Variants in SGSM3 observed in about 807,000 individuals in gnomAD.
SGSM3 encodes RUN and SH3 containing 3.
SGSM3 carries 96 observed loss-of-function variants against 100.5 expected under a neutral mutation model. The ratio of observed to expected loss-of-function variants is 0.96; its 90% CI spans 0.81 to 1.13. The LOEUF is 1.13. Among genes scored for constraint, SGSM3 ranks in the 50% most tolerant of loss-of-function variants. The probability of loss-of-function intolerance (pLI) is 0.00; values close to 1 mark genes in which losing one functional copy is unlikely to be tolerated. For synonymous variants in SGSM3, 483 were observed against 422.8 expected, an observed-to-expected ratio of 1.14 and a Z score of -1.75; for missense variants, 1,001 against 1,015.8, an observed-to-expected ratio of 0.99 and a Z score of 0.20.
chr22:40,386,325 T>A (rs2048434351), intron 1 of SGSM3, among the ~76,000 whole-genome samples: 1 of 152,168 alleles, frequency 6.6e-6, no homozygotes, highest in South Asian at 2.1e-4. Context: ...TGTGAAATAA[T>A]ATAAAGATAT....
intron 6 of SGSM3, 152 bp from the exon 7 acceptor site, chr22:40,404,989 C>A: frequency 9.3e-7 from 1 of 1,074,600 alleles, no homozygotes; most frequent in Non-Finnish European, 1.3e-6. Flanking sequence ...CGGCTCCACA[C>A]TGGCTGGGAG....
intron 4 of SGSM3, among the ~76,000 whole-genome samples, chr22:40,403,765 G>C (rs2051066032): frequency 6.6e-6 from 1 of 152,186 alleles, no homozygotes; most frequent in African/African-American, 2.4e-5. Flanking sequence ...TGTGGCTGCT[G>C]AGGGGAACAG....
In SGSM3 at chr22:40,410,139, T is replaced by G. The variant is rs1465003222; in HGVS notation, c.*380T>G. The G allele has an allele frequency of 8.9e-7, 1 of 1,122,930 alleles. No individual in the cohort carries two copies. The highest frequency in any genetic ancestry group is 5.0e-5 in the East Asian group (1 of 20,178). 69.6% of individuals were successfully genotyped at this position (1,122,930 alleles called of 1,614,324 possible). A position where few individuals can be genotyped will look rare whatever the true frequency, so the allele number is the denominator to read the frequency against. On this transcript the variant is annotated 3_prime_UTR_variant, in exon 22 of 22. Coordinates refer to ENST00000248929, the MANE Select transcript of SGSM3 (RefSeq NM_015705.6). ...TACCTGTCTTCTGTGCAGCTAGGGC[T>G]GCAGAGCTGTATTCAGGTCCAAGGT...
chr22:40,410,193 C>T lies in SGSM3; in HGVS notation c.*434C>T. ...GCCCTTCCTTGAGTGGTCTAGAAGG[C>T]ACTGCGTGGCCCCTCAGATGCTGGG... is the stretch of plus-strand genomic sequence containing the variant. On this transcript the variant is annotated 3_prime_UTR_variant, in exon 22 of 22. Transcript: ENST00000248929. 1 of 1,066,590 alleles carries T rather than the reference C, an allele frequency of 9.4e-7. No homozygotes were observed. The highest frequency in any genetic ancestry group is 1.1e-6 in the Non-Finnish European group (1 of 881,680). The allele number at this position is 1,066,590 out of a possible 1,614,324, so 66.1% of individuals were successfully genotyped here. A position where few individuals can be genotyped will look rare whatever the true frequency, so the allele number is the denominator to read the frequency against.
At chr22:40,384,595 A>T (rs1458620382) in intron 1 of SGSM3, among the ~76,000 whole-genome samples, 2 of 152,156 alleles carry the variant, frequency 1.3e-5, no homozygotes, top group Non-Finnish European at 2.9e-5. Flanking sequence ...CCTGGCTAAC[A>T]CGGTGAAACC....
Position 40,408,109 on chromosome 22 carries a change from C to T in SGSM3, c.1618C>T (p.Arg540Cys), listed in dbSNP as rs373390228. ...CAAGTTCGTGGAAGTCCTGGATGAG[C>T]GCAGCAAAGAGGTGAGGGGGGTGGG... The part of the protein sequence containing the change: ...PAKFVEVLDE[R>C]SKEYSIAGDD... The change falls in exon 15 of 22, where the codon CGC (arginine) becomes TGC (cysteine). Residue 540 changes from arginine to cysteine, a missense_variant. Arg to Cys is a radical substitution (Grantham distance 180). Transcript: ENST00000248929. 1.0e-4 allele frequency: 164 copies of T among 1,611,394 alleles called. No individual in the cohort carries two copies. Among genetic ancestry groups the T allele is most frequent in the Middle Eastern group, 1.7e-4 (1 of 6,054 alleles).
intron 1 of SGSM3, among the ~76,000 whole-genome samples, chr22:40,383,118 C>G (rs545791120): frequency 1.3e-5 from 2 of 152,150 alleles, no homozygotes; most frequent in African/African-American, 4.8e-5. Context: ...GGATTCAGCC[C>G]TTGAAGAGCT....
chr22:40,405,586 G>C, intron 7 of SGSM3, 63 bp from the exon 8 acceptor site: 1 of 1,478,532 alleles, frequency 6.8e-7, no homozygotes, highest in Non-Finnish European at 9.3e-7. Context: ...CTAGGGTAGG[G>C]GCACCTTTTC....
At chr22:40,408,227 C>T (rs771059973) in intron 15 of SGSM3, 50 bp from the exon 16 acceptor site, 5 of 1,608,470 alleles carry the variant, frequency 3.1e-6, no homozygotes, top group Middle Eastern at 1.7e-4. Context: ...AGGAGGGTGA[C>T]TGGCTGCAGG....
intron 6 of SGSM3, 51 bp downstream of exon 6, chr22:40,404,715 A>T: frequency 7.5e-7 from 1 of 1,326,804 alleles, no homozygotes; most frequent in East Asian, 2.4e-5. Context: ...GTGGGCTCGC[A>T]GGAGAGAGGG....
At position 40,407,722 on chromosome 22, in the gene SGSM3, C is replaced by CG; in HGVS notation, c.1525-62dup. The CG allele has an allele frequency of 6.3e-7, 1 of 1,588,964 alleles. No individual in the cohort carries two copies. Among genetic ancestry groups the CG allele is most frequent in the Non-Finnish European group, 8.6e-7 (1 of 1,157,354 alleles). ...TGGCCTAGTTGCTGAGGAGTCATAT[C>CG]GGGGGTGCAGGAGGCGCTGGCCCAG... is the stretch of plus-strand genomic sequence containing the variant. On this transcript the variant is annotated intron_variant, in intron 13 of 21. Coordinates refer to ENST00000248929, the MANE Select transcript of SGSM3 (RefSeq NM_015705.6). The surrounding 1 kb of genome is among the most constrained non-coding windows in gnomAD (Gnocchi z 4.7).
At chr22:40,372,423 C>T (rs977284299) in intron 1 of SGSM3, among the ~76,000 whole-genome samples, 3 of 152,168 alleles carry the variant, frequency 2.0e-5, no homozygotes, top group African/African-American at 7.2e-5. Context: ...CCGTGCCTGG[C>T]CCTCCCTGTC....
At chr22:40,398,917 G>T (rs1404391298) in intron 1 of SGSM3, among the ~76,000 whole-genome samples, 1 of 139,640 alleles carries the variant, frequency 7.2e-6, no homozygotes, top group Non-Finnish European at 1.5e-5. Context: ...CTTGCCCACG[G>T]TTATAACAAG....
chr22:40,393,472 C>T (rs976175997), intron 1 of SGSM3, among the ~76,000 whole-genome samples: 4 of 152,214 alleles, frequency 2.6e-5, no homozygotes, highest in African/African-American at 9.6e-5. Flanking sequence ...GATGATTCCA[C>T]TTTTCTTCTG....
At chr22:40,405,508 AAGC>A in intron 7 of SGSM3, 138 bp from the exon 8 acceptor site, 3 of 903,044 alleles carry the variant, frequency 3.3e-6, no homozygotes, top group Admixed American at 4.8e-5. Context: ...AGGCCAAGGA[AAGC>A]AGCCCAGGGA....
chr22:40,408,626 G>C lies in SGSM3; in HGVS notation c.1783-1G>C. 6.2e-7 allele frequency: 1 copy of C among 1,613,972 alleles called. No individual in the cohort carries two copies. Among genetic ancestry groups the C allele is most frequent in the Non-Finnish European group, 8.5e-7 (1 of 1,180,008 alleles). ...ACTCACACCGTGTGCTGTCCCCACAGGCTGCAGGCCGGGAGGTCGAGAGAG... is the reference window on the plus strand; with the variant it reads ...ACTCACACCGTGTGCTGTCCCCACACGCTGCAGGCCGGGAGGTCGAGAGAG... On this transcript the variant is annotated splice_acceptor_variant, in intron 16 of 21. Transcript: ENST00000248929. LOFTEE classifies it high-confidence loss of function.
At position 40,409,759 on chromosome 22, in the gene SGSM3, A is replaced by C. The variant is rs1169920775; in HGVS notation, c.2250A>C (p.Ter750CysextTer69). Residue 750 changes from the stop codon to cysteine, a stop_lost, in exon 22 of 22, where the codon TGA becomes TGC. Transcript: ENST00000248929. ...TCTTCAGCTGGGATGTGGACGGGTG[A>C]CCCCCTCCTCCCCAGCCCAACCTCG... ...HHLFSWDVDG[*>C] is the part of the protein sequence containing the mutation. 6.2e-7 allele frequency: 1 copy of C among 1,602,644 alleles called. No individual in the cohort carries two copies. Among genetic ancestry groups the C allele is most frequent in the Non-Finnish European group, 8.5e-7 (1 of 1,177,400 alleles).
Position 40,379,078 on chromosome 22 carries a change from T to C in SGSM3, c.-112+8390T>C, listed in dbSNP as rs147642359. Among the ~76,000 whole-genome samples, 827 of 152,342 alleles carry C rather than the reference T, an allele frequency of 5.4e-3. 7 individuals carry two copies. The highest frequency in any genetic ancestry group is 8.7e-3 in the Non-Finnish European group (595 of 68,024). ...TGCCTATGGTTCTTCCTGCCTCATT[T>C]TACTCTGTAGCACTATTCATCTGAC... On this transcript the variant is annotated intron_variant, in intron 1 of 21. Transcript: ENST00000248929.
At chr22:40,387,243 C>G (rs1466527246) in intron 1 of SGSM3, 3 of 398,412 alleles carry the variant, frequency 7.5e-6, no homozygotes, top group African/African-American at 4.1e-5. Context: ...CCTCCGTCTA[C>G]TCACTGCCAC....
Sources: gnomAD v4.1 joint callset for allele counts (sites outside exome capture counted in the v4.1 genomes callset) on GRCh38, gnomAD v4.1.1 for gene constraint, Gnocchi (gnomAD v3.1) non-coding constraint, MANE v1.5 for transcripts, NCBI Gene and HGNC (gene_info 2026-07-23, HGNC 2026-07-21) for gene names.